KCNIP4: variants seen among roughly 807,000 people sequenced by gnomAD.
KCNIP4 encodes the protein potassium voltage-gated channel interacting protein 4, also known as Kv channel-interacting protein 4.
Under a neutral mutation model 34.0 loss-of-function variants are expected in KCNIP4, and 12 were observed. That is an observed-to-expected ratio of 0.35 (90% CI 0.23 to 0.57). The LOEUF (loss-of-function observed/expected upper bound fraction) is 0.57, where lower values mean the gene tolerates loss of function less well. KCNIP4 is among the 20% of genes least tolerant of loss of function. The pLI is 0.83. For synonymous variants in KCNIP4, 124 were observed against 102.2 expected, an observed-to-expected ratio of 1.21 and a Z score of -1.29; for missense variants, 238 against 311.7, an observed-to-expected ratio of 0.76 and a Z score of 1.78.
At chr4:21,268,573 G>T (rs560238830) in intron 1 of KCNIP4, among the ~76,000 whole-genome samples, 1 of 152,342 alleles carries the variant, frequency 6.6e-6, no homozygotes, top group Non-Finnish European at 1.5e-5. Flanking sequence ...GAGGGAGGCA[G>T]AGGAGGGGAG....
At chr4:21,087,149 T>TGTGTGC (rs1746530744) in intron 1 of KCNIP4, among the ~76,000 whole-genome samples, 1 of 120,266 alleles carries the variant, frequency 8.3e-6, no homozygotes, top group South Asian at 2.7e-4. Context: ...CTGGGTAATG[T>TGTGTGC]GTGTGTGTGT....
chr4:20,837,686 A>ATATATATATTTT (rs1350419753), intron 3 of KCNIP4, among the ~76,000 whole-genome samples: 23 of 117,396 alleles, frequency 2.0e-4, no homozygotes, highest in African/African-American at 7.4e-4. Flanking sequence ...ATATATATAT[A>ATATATATATTTT]TTTTTTTTTC....
At chr4:21,805,885 A>G (rs1274048850) in intron 1 of KCNIP4, among the ~76,000 whole-genome samples, 1 of 152,322 alleles carries the variant, frequency 6.6e-6, no homozygotes, top group East Asian at 1.9e-4. Flanking sequence ...GGTGTGGCAC[A>G]TATTAAGCAA....
chr4:21,228,848 C>G (rs1242802961), intron 1 of KCNIP4, among the ~76,000 whole-genome samples: 1 of 152,168 alleles, frequency 6.6e-6, no homozygotes, highest in Admixed American at 6.5e-5. Flanking sequence ...TCCTTACACT[C>G]TACACTGACT....
At chr4:21,155,619 C>T (rs754653249) in intron 1 of KCNIP4, among the ~76,000 whole-genome samples, 3 of 152,218 alleles carry the variant, frequency 2.0e-5, no homozygotes, top group East Asian at 1.9e-4. Flanking sequence ...AGCCATCATT[C>T]GGAAGGAGTC....
intron 1 of KCNIP4, among the ~76,000 whole-genome samples, chr4:20,930,187 C>G (rs1488248935): frequency 2.0e-5 from 3 of 151,826 alleles, no homozygotes; most frequent in Admixed American, 6.6e-5. Flanking sequence ...AAATGTGGAC[C>G]AACGGAACAG....
chr4:21,031,657 G>A (rs1741036819), intron 1 of KCNIP4, among the ~76,000 whole-genome samples: 1 of 152,138 alleles, frequency 6.6e-6, no homozygotes, highest in South Asian at 2.1e-4. Flanking sequence ...TTGGCTGTGA[G>A]CTCATCTGCT....
At chr4:21,175,877 T>A (rs952746591) in intron 1 of KCNIP4, among the ~76,000 whole-genome samples, 3 of 152,206 alleles carry the variant, frequency 2.0e-5, no homozygotes, top group Non-Finnish European at 4.4e-5. Context: ...AAACCCCAAA[T>A]AAGGGAGGAC....
At chr4:21,118,679 G>T (rs1577723843) in intron 1 of KCNIP4, among the ~76,000 whole-genome samples, 1 of 152,222 alleles carries the variant, frequency 6.6e-6, no homozygotes, top group East Asian at 1.9e-4. Flanking sequence ...TGGTGGTGCG[G>T]ATGCTGTTTT....
chr4:21,237,654 C>A, intron 1 of KCNIP4, among the ~76,000 whole-genome samples: 1 of 152,258 alleles, frequency 6.6e-6, no homozygotes, highest in African/African-American at 2.4e-5. Context: ...TTCCTCGACA[C>A]ATACACCCTC....
At chr4:21,785,611 A>G (rs189712070) in intron 1 of KCNIP4, among the ~76,000 whole-genome samples, 9,335 of 125,946 alleles carry the variant, frequency 0.074, 421 homozygotes, top group African/African-American at 0.27. Context: ...ATAAATAAAT[A>G]AATAAAATAA....
intron 1 of KCNIP4, among the ~76,000 whole-genome samples, chr4:21,821,326 C>T (rs1722341460): frequency 6.6e-6 from 1 of 151,998 alleles, no homozygotes; most frequent in African/African-American, 2.4e-5. Flanking sequence ...CTGTAGGTGC[C>T]ATTGAGGCCC....
intron 1 of KCNIP4, among the ~76,000 whole-genome samples, chr4:21,833,308 T>C (rs1333602528): frequency 6.6e-6 from 1 of 152,116 alleles, no homozygotes; most frequent in African/African-American, 2.4e-5. Flanking sequence ...TGGTATCTCA[T>C]TGTGGTTTTG....
At chr4:20,798,380 G>C (rs941432161) in intron 3 of KCNIP4, among the ~76,000 whole-genome samples, 1 of 152,214 alleles carries the variant, frequency 6.6e-6, no homozygotes, top group African/African-American at 2.4e-5. Flanking sequence ...AAGGATAAAA[G>C]CGGTAGATGA....
intron 1 of KCNIP4, among the ~76,000 whole-genome samples, chr4:21,902,638 A>C (rs1338435141): frequency 1.3e-5 from 2 of 152,104 alleles, no homozygotes; most frequent in Non-Finnish European, 2.9e-5. Context: ...TGGTAGCATG[A>C]GAAGCTCTGA....
intron 1 of KCNIP4, among the ~76,000 whole-genome samples, chr4:21,302,148 C>T (rs970511739): frequency 6.6e-6 from 1 of 152,034 alleles, no homozygotes; most frequent in African/African-American, 2.4e-5. Flanking sequence ...CAAATCAGTA[C>T]AGCTTTGAAT....
chr4:21,777,050 G>T (rs1412800162), intron 1 of KCNIP4, among the ~76,000 whole-genome samples: 1 of 152,120 alleles, frequency 6.6e-6, no homozygotes, highest in African/African-American at 2.4e-5. Flanking sequence ...TGGTATTACA[G>T]GCATGAGCTA....
chr4:21,864,465 A>G (rs1047370170), intron 1 of KCNIP4, among the ~76,000 whole-genome samples: 5 of 152,188 alleles, frequency 3.3e-5, no homozygotes, highest in Admixed American at 6.5e-5. Context: ...ATAATGCCCT[A>G]TATGAAAAAG....
chr4:21,847,299 T>C (rs1217442664), intron 1 of KCNIP4: 1 of 152,144 alleles, frequency 6.6e-6, no homozygotes, highest in East Asian at 1.9e-4. Context: ...TAGGGGTATT[T>C]CAAAAGAAGA....
Sources: gnomAD v4.1 joint callset for allele counts (sites outside exome capture counted in the v4.1 genomes callset) on GRCh38, gnomAD v4.1.1 for gene constraint, MANE v1.5 for transcripts, NCBI Gene and HGNC (gene_info 2026-07-23, HGNC 2026-07-21) for gene names.